ZDHHC5: variants seen among roughly 807,000 people sequenced by gnomAD.
ZDHHC5 encodes palmitoyltransferase ZDHHC5.
In ZDHHC5, 22 loss-of-function variants were observed where a neutral mutation model predicts 70.0. The observed-to-expected ratio is 0.31, with a 90% confidence interval of 0.22 to 0.45. ZDHHC5 has a LOEUF of 0.45. Among genes scored for constraint, ZDHHC5 ranks in the 20% least tolerant of loss-of-function variants. The probability of loss-of-function intolerance (pLI) is 1.00; values close to 1 mark genes in which losing one functional copy is unlikely to be tolerated. For missense variants in ZDHHC5, 746 were observed against 926.9 expected, an observed-to-expected ratio of 0.80 and a Z score of 2.53; for synonymous variants, 313 against 347.8, an observed-to-expected ratio of 0.90 and a Z score of 1.11.
Position 57,700,452 on chromosome 11 carries a change from A to C in ZDHHC5, c.*421A>C, listed in dbSNP as rs1946428521. 6.7e-6 allele frequency: 1 copy of C among 150,052 alleles called. No homozygotes were observed. The allele number at this position is 150,052 out of a possible 1,614,324, so 9.3% of individuals were successfully genotyped here. On this transcript the variant is annotated 3_prime_UTR_variant, in exon 12 of 12. Transcript: ENST00000287169. ...ATATATTATAAATATCAAAGAAATT[A>C]TATATCTATCCTGGGATGGGAAAAT...
At chr11:57,694,281 C>T (rs1946322380) in intron 8 of ZDHHC5, among the ~76,000 whole-genome samples, 1 of 151,978 alleles carries the variant, frequency 6.6e-6, no homozygotes, top group Non-Finnish European at 1.5e-5. Flanking sequence ...CATGAGCCAC[C>T]ACGCCTGGCC....
intron 2 of ZDHHC5, chr11:57,681,534 C>G (rs563273249): frequency 6.6e-6 from 1 of 152,224 alleles, no homozygotes; most frequent in Admixed American, 6.5e-5. Context: ...TCCAAAACTT[C>G]CAGCTCCCAG....
At chr11:57,683,533 G>C (rs1382787956) in intron 3 of ZDHHC5, among the ~76,000 whole-genome samples, 2 of 152,162 alleles carry the variant, frequency 1.3e-5, no homozygotes, top group Non-Finnish European at 2.9e-5. Context: ...ACCTGAATAT[G>C]AGATACAAGA....
intron 1 of ZDHHC5, among the ~76,000 whole-genome samples, chr11:57,669,231 C>T (rs980383881): frequency 1.3e-5 from 2 of 152,158 alleles, no homozygotes; most frequent in African/African-American, 4.8e-5. Flanking sequence ...TTCCATGGTA[C>T]CTCCATTACT....
intron 8 of ZDHHC5, among the ~76,000 whole-genome samples, chr11:57,694,203 G>A (rs553362620): frequency 8.5e-5 from 13 of 152,078 alleles, no homozygotes; most frequent in Non-Finnish European, 1.3e-4. Flanking sequence ...TGTTGGCCAG[G>A]CTGGTCTCGA....
rs770776959 is a variant in ZDHHC5 at position 57,699,444 on chromosome 11, T to G, written c.1982+26T>G. 2.6e-6 allele frequency: 4 copies of G among 1,522,866 alleles called. No homozygotes were observed. In the Admixed American group the frequency reaches 8.9e-5, roughly 34 times the overall value. The allele number at this position is 1,522,866 out of a possible 1,614,324, so 94.3% of individuals were successfully genotyped here. Reference sequence around the variant, plus strand: ...GTAAGTATTAGTACTATCCTGACCCTTAGCCAATTTCAAATTAGCATACTG... The same window carrying G: ...GTAAGTATTAGTACTATCCTGACCCGTAGCCAATTTCAAATTAGCATACTG... On this transcript the variant is annotated intron_variant, in intron 11 of 11. Coordinates refer to ENST00000287169, the MANE Select transcript of ZDHHC5 (RefSeq NM_015457.3).
At chr11:57,678,570 CA>C (rs34342337) in intron 2 of ZDHHC5, among the ~76,000 whole-genome samples, 101 of 101,450 alleles carry the variant, frequency 1.0e-3, no homozygotes, top group Non-Finnish European at 9.8e-4. Flanking sequence ...AACTCTGTCT[CA>C]AAAAAAAAAA....
intron 10 of ZDHHC5, among the ~76,000 whole-genome samples, chr11:57,698,077 G>T (rs1207215171): frequency 6.6e-6 from 1 of 150,930 alleles, no homozygotes; most frequent in Non-Finnish European, 1.5e-5. Flanking sequence ...TGAGGTTGCA[G>T]TGAGCCAAGA....
intron 2 of ZDHHC5, among the ~76,000 whole-genome samples, chr11:57,676,623 C>A (rs1415642831): frequency 1.3e-5 from 2 of 151,904 alleles, no homozygotes; most frequent in Non-Finnish European, 1.5e-5. Flanking sequence ...AGCAACATGA[C>A]CCTTTTTCAA....
At chr11:57,695,693 T>C (rs540642367) in intron 8 of ZDHHC5, among the ~76,000 whole-genome samples, 11 of 151,376 alleles carry the variant, frequency 7.3e-5, no homozygotes, top group African/African-American at 2.7e-4. Flanking sequence ...CTTGGGAGGC[T>C]GAGGTGGGAA....
At chr11:57,690,947 T>C (rs1946277647) in intron 6 of ZDHHC5, among the ~76,000 whole-genome samples, 1 of 152,128 alleles carries the variant, frequency 6.6e-6, no homozygotes, top group South Asian at 2.1e-4. Flanking sequence ...TGTATACATA[T>C]GTAACAAACC....
At chr11:57,678,040 G>C (rs1376347916) in intron 2 of ZDHHC5, among the ~76,000 whole-genome samples, 1 of 152,180 alleles carries the variant, frequency 6.6e-6, no homozygotes, top group African/African-American at 2.4e-5. Context: ...ATCCCCATGG[G>C]CAGGAAGTGG....
chr11:57,677,252 A>G (rs1330684581), intron 2 of ZDHHC5, among the ~76,000 whole-genome samples: 1 of 137,108 alleles, frequency 7.3e-6, no homozygotes, highest in African/African-American at 2.7e-5. Context: ...GCTGGTGGGG[A>G]GGGGGCAGGA....
chr11:57,679,422 A>G (rs1433914915), intron 2 of ZDHHC5, among the ~76,000 whole-genome samples: 1 of 152,180 alleles, frequency 6.6e-6, no homozygotes, highest in Admixed American at 6.5e-5. Flanking sequence ...TTGGTGTCCC[A>G]GAGTGCTAGG....
At chr11:57,698,278 G>C (rs1946383373) in intron 10 of ZDHHC5, among the ~76,000 whole-genome samples, 1 of 152,098 alleles carries the variant, frequency 6.6e-6, no homozygotes, top group Non-Finnish European at 1.5e-5. Flanking sequence ...CATCAGACTG[G>C]GCAATATAGC....
chr11:57,693,867 T>G lies in ZDHHC5; in HGVS notation c.837T>G (p.Thr279=). The part of the protein sequence containing the change: ...LRPEVSDGQI[T]VKIMDNGIQG... ...CAGAAGTTTCAGATGGGCAGATAAC[T>G]GTGAAGATCATGGATAATGGCATCC... The change falls in exon 8 of 12, where the codon ACT becomes ACG. Residue 279 remains threonine, a synonymous_variant. Transcript: ENST00000287169. The G allele has an allele frequency of 1.2e-6, 2 of 1,613,232 alleles. No individual in the cohort carries two copies. Among genetic ancestry groups the G allele is most frequent in the Non-Finnish European group, 1.7e-6 (2 of 1,179,676 alleles).
At chr11:57,696,315 G>C (rs1946351121) in intron 9 of ZDHHC5, among the ~76,000 whole-genome samples, 2 of 152,180 alleles carry the variant, frequency 1.3e-5, no homozygotes, top group Admixed American at 1.3e-4. Flanking sequence ...TACCCACCCT[G>C]AATTCTGGGC....
chr11:57,684,857 T>C (rs895566439), intron 3 of ZDHHC5, among the ~76,000 whole-genome samples: 17 of 152,174 alleles, frequency 1.1e-4, no homozygotes, highest in African/African-American at 3.9e-4. Flanking sequence ...TTTTCTGAAA[T>C]TCACTGTAGG....
chr11:57,678,971 T>C (rs1016721116), intron 2 of ZDHHC5, among the ~76,000 whole-genome samples: 3 of 152,200 alleles, frequency 2.0e-5, no homozygotes, highest in Non-Finnish European at 4.4e-5. Context: ...ACCTAAGGCC[T>C]TGCATAGAGA....
Sources: allele counts gnomAD v4.1 joint callset (sites outside exome capture counted in the v4.1 genomes callset), GRCh38; gene constraint gnomAD v4.1.1; transcripts MANE v1.5; gene names NCBI Gene and HGNC (gene_info 2026-07-23, HGNC 2026-07-21).